ANKRD30B: variants seen among roughly 807,000 people sequenced by gnomAD.
ANKRD30B encodes the protein ankyrin repeat domain 30B, also known as ankyrin repeat domain-containing protein 30B.
A neutral mutation model predicts 202.2 loss-of-function variants in ANKRD30B; 144 were observed. The ratio of observed to expected loss-of-function variants is 0.71; its 90% confidence interval spans 0.62 to 0.82. The LOEUF (loss-of-function observed/expected upper bound fraction) is 0.82, where lower values mean the gene tolerates loss of function less well. Ranked by LOEUF, ANKRD30B falls within the 40% of genes least tolerant of loss-of-function variation. The probability of loss-of-function intolerance (pLI) is 0.00; values close to 1 mark genes in which losing one functional copy is unlikely to be tolerated. For synonymous variants in ANKRD30B, 508 were observed against 561.3 expected (o/e 0.91, Z 1.34); for missense variants, 1,487 against 1,669.1 (o/e 0.89, Z 1.90).
chr18:14,921,288 A>C, the ANKRD30B span, among the ~76,000 whole-genome samples: 1 of 151,828 alleles, frequency 6.6e-6, no homozygotes, highest in Middle Eastern at 3.2e-3. Context: ...ATGTTTAGAT[A>C]CAACTGCCTG....
At chr18:14,818,214 A>G (rs971292333) in intron 30 of ANKRD30B, among the ~76,000 whole-genome samples, 21 of 152,322 alleles carry the variant, frequency 1.4e-4, no homozygotes, top group African/African-American at 4.3e-4. Context: ...CGCATTGTAT[A>G]ACAAACAGAA....
chr18:14,793,614 G>A (rs978132919), intron 16 of ANKRD30B, among the ~76,000 whole-genome samples: 2 of 151,868 alleles, frequency 1.3e-5, no homozygotes, highest in African/African-American at 4.8e-5. Context: ...AAGATTTCAG[G>A]CCAGGCGTGG....
the ANKRD30B span, among the ~76,000 whole-genome samples, chr18:14,934,947 CA>C: frequency 0.015 from 2,157 of 141,962 alleles, 54 homozygotes; most frequent in African/African-American, 0.063. Flanking sequence ...CACACACACA[CA>C]CCCCATCGTG....
rs1321078450 is a variant in ANKRD30B at position 14,769,374 on chromosome 18, G to A, written c.1256+1G>A. The stretch of plus-strand genomic sequence containing the variant: ...TGAGTTCTGTAGAGCCTATATTCAG[G>A]TAAGACTTTGCGGTTTTTTAAAACG... On this transcript the variant is annotated splice_donor_variant, in intron 8 of 43. Coordinates refer to ENST00000690538, the MANE Select transcript of ANKRD30B (RefSeq NM_001367607.2). LOFTEE classifies it high-confidence loss of function. The A allele has an allele frequency of 1.3e-6, 2 of 1,544,186 alleles. No homozygotes were observed. The highest frequency in any genetic ancestry group is 1.4e-5 in the African/African-American group (1 of 72,864).
chr18:14,939,938 C>T, the ANKRD30B span, among the ~76,000 whole-genome samples: 1 of 152,106 alleles, frequency 6.6e-6, no homozygotes. Context: ...AATTAATTAA[C>T]CTTTCAGTTA....
the ANKRD30B span, among the ~76,000 whole-genome samples, chr18:14,900,804 T>C: frequency 2.8e-4 from 43 of 152,146 alleles, no homozygotes; most frequent in Admixed American, 5.2e-4. Flanking sequence ...ATCCCTTTAT[T>C]CCACCTTCCT....
the ANKRD30B span, chr18:14,903,642 C>T: frequency 6.6e-6 from 1 of 152,192 alleles, no homozygotes; most frequent in Non-Finnish European, 1.5e-5. Context: ...CTCCTCCAGC[C>T]TCTGTTGATC....
the ANKRD30B span, chr18:14,877,786 C>G: frequency 6.6e-6 from 1 of 152,106 alleles, no homozygotes; most frequent in Non-Finnish European, 1.5e-5. Context: ...AGGTAATGCA[C>G]GAGGAACTCT....
At chr18:14,867,456 C>A in the ANKRD30B span, among the ~76,000 whole-genome samples, 1 of 152,038 alleles carries the variant, frequency 6.6e-6, no homozygotes, top group Admixed American at 6.5e-5. Context: ...GGGTGAACAA[C>A]TTCTGCTCGT....
chr18:14,791,513 A>T, intron 16 of ANKRD30B, 22 bp downstream of exon 16: 1 of 1,574,020 alleles, frequency 6.4e-7, no homozygotes. Context: ...TTTTTAATTA[A>T]AAAGTCATTT....
chr18:14,798,182 C>A (rs1029194786), intron 20 of ANKRD30B, among the ~76,000 whole-genome samples: 4 of 150,570 alleles, frequency 2.7e-5, no homozygotes, highest in African/African-American at 9.8e-5. Flanking sequence ...AGGAGAATCA[C>A]CGCCTTGTCG....
intron 30 of ANKRD30B, among the ~76,000 whole-genome samples, chr18:14,818,361 T>A (rs188345333): frequency 3.9e-5 from 6 of 152,244 alleles, no homozygotes; most frequent in Non-Finnish European, 7.4e-5. Context: ...TTAGGTGTTT[T>A]TTCTTTTTTT....
chr18:14,858,728 C>T (rs546495708), downstream of ANKRD30B, among the ~76,000 whole-genome samples: 212 of 142,910 alleles, frequency 1.5e-3, no homozygotes, highest in East Asian at 8.1e-3. Flanking sequence ...CCAGACGGGG[C>T]GGCTGGGCAG....
intron 32 of ANKRD30B, among the ~76,000 whole-genome samples, chr18:14,826,694 CACACA>C (rs1970682111): frequency 2.5e-4 from 5 of 20,012 alleles, no homozygotes; most frequent in Non-Finnish European, 5.5e-4. Context: ...CTCTCTCTCT[CACACA>C]CACACACACA....
Position 14,784,452 on chromosome 18 carries a change from A to G in ANKRD30B, c.1600-11A>G, listed in dbSNP as rs1487436907. On this transcript the variant is annotated splice_polypyrimidine_tract_variant and intron_variant, in intron 13 of 43. Transcript: ENST00000690538. ...TTCTTTATTGATCATTTTTCTTCCAAACCCATTTAGCCTGCCGTTGAAATG... is the reference window on the plus strand; with the variant it reads ...TTCTTTATTGATCATTTTTCTTCCAGACCCATTTAGCCTGCCGTTGAAATG... The G allele has an allele frequency of 6.2e-7, 1 of 1,613,176 alleles. No homozygotes were observed. Among genetic ancestry groups the G allele is most frequent in the Non-Finnish European group, 8.5e-7 (1 of 1,179,506 alleles).
chr18:14,903,590 C>A, the ANKRD30B span: 3 of 152,162 alleles, frequency 2.0e-5, no homozygotes, highest in Non-Finnish European at 4.4e-5. Context: ...CAATTGTTCT[C>A]CTTGGATACT....
chr18:14,892,472 C>G, the ANKRD30B span, among the ~76,000 whole-genome samples: 6 of 152,110 alleles, frequency 3.9e-5, no homozygotes, highest in African/African-American at 1.4e-4. Context: ...GATGTGGTAG[C>G]TCACACCTGT....
the ANKRD30B span, among the ~76,000 whole-genome samples, chr18:14,926,761 C>A: frequency 6.6e-6 from 1 of 152,040 alleles, no homozygotes; most frequent in Admixed American, 6.6e-5. Context: ...CCCATCTCTA[C>A]AAAAATTAAA....
chr18:14,877,304 AAATGATGAATG>A, the ANKRD30B span, among the ~76,000 whole-genome samples: 5 of 50,920 alleles, frequency 9.8e-5, no homozygotes, highest in African/African-American at 3.0e-4. Flanking sequence ...GGTACTCAAT[AAATGATGAATG>A]AATGAATGAA....
Sources: allele counts gnomAD v4.1 joint callset (sites outside exome capture counted in the v4.1 genomes callset), GRCh38; gene constraint gnomAD v4.1.1; transcripts MANE v1.5; gene names NCBI Gene and HGNC (gene_info 2026-07-23, HGNC 2026-07-21).